PTPRT: variants seen among roughly 807,000 people sequenced by gnomAD.
PTPRT encodes protein tyrosine phosphatase receptor type T, also known as receptor-type tyrosine-protein phosphatase T.
In PTPRT, 56 loss-of-function variants were observed where a neutral mutation model predicts 176.8. The observed-to-expected ratio is 0.32, with a 90% CI of 0.26 to 0.40. The LOEUF is 0.40. Among genes scored for constraint, PTPRT ranks in the 10% least tolerant of loss-of-function variants. The pLI, the probability that PTPRT is intolerant of heterozygous loss-of-function variation, is 1.00. For missense variants in PTPRT, 1,540 were observed against 1,908.2 expected, an observed-to-expected ratio of 0.81 and a Z score of 3.60; for synonymous variants, 783 against 739.0, an observed-to-expected ratio of 1.06 and a Z score of -0.96.
At chr20:42,634,686 A>G (rs1035823772) in intron 7 of PTPRT, among the ~76,000 whole-genome samples, 7 of 152,086 alleles carry the variant, frequency 4.6e-5, no homozygotes, top group Non-Finnish European at 8.8e-5. Flanking sequence ...TTTCTTCCCC[A>G]ACCCCTGCTT....
At chr20:42,280,133 G>T (rs997273860) in intron 13 of PTPRT, among the ~76,000 whole-genome samples, 1 of 152,154 alleles carries the variant, frequency 6.6e-6, no homozygotes, top group Non-Finnish European at 1.5e-5. Context: ...AGGAAGGGAT[G>T]GGATAAACAG....
chr20:42,407,212 C>A (rs187709794), intron 9 of PTPRT, among the ~76,000 whole-genome samples: 1 of 152,172 alleles, frequency 6.6e-6, no homozygotes, highest in Non-Finnish European at 1.5e-5. Context: ...TAAATGCTTA[C>A]GAGTTTTACA....
At chr20:43,033,198 G>A (rs1986219599) in intron 1 of PTPRT, among the ~76,000 whole-genome samples, 1 of 152,184 alleles carries the variant, frequency 6.6e-6, no homozygotes, top group Non-Finnish European at 1.5e-5. Context: ...TAAAGAACAA[G>A]TCCAGGGCCA....
intron 7 of PTPRT, among the ~76,000 whole-genome samples, chr20:42,499,905 T>C (rs775872240): frequency 6.6e-5 from 10 of 152,214 alleles, no homozygotes; most frequent in Non-Finnish European, 8.8e-5. Flanking sequence ...TTCATTATGA[T>C]ACATGGAGCT....
intron 15 of PTPRT, among the ~76,000 whole-genome samples, chr20:42,212,023 C>CAAATTTCAAATTGGAA (rs772083353): frequency 6.9e-6 from 1 of 144,410 alleles, no homozygotes; most frequent in Non-Finnish European, 1.5e-5. Flanking sequence ...TGGAAAACAT[C>CAAATTTCAAATTGGAA]ATTCTCAGTA....
At chr20:42,809,134 G>T (rs1438439514) in intron 2 of PTPRT, among the ~76,000 whole-genome samples, 1 of 152,156 alleles carries the variant, frequency 6.6e-6, no homozygotes, top group Non-Finnish European at 1.5e-5. Context: ...ATTAGTTAGG[G>T]GGTTGAATCA....
chr20:42,926,095 C>T (rs1979466596), intron 1 of PTPRT, among the ~76,000 whole-genome samples: 3 of 152,220 alleles, frequency 2.0e-5, no homozygotes, highest in Non-Finnish European at 4.4e-5. Context: ...GGGGCTGCCT[C>T]AACAGACCAG....
chr20:42,167,076 T>C (rs1477304933), intron 16 of PTPRT, among the ~76,000 whole-genome samples: 2 of 152,188 alleles, frequency 1.3e-5, no homozygotes, highest in African/African-American at 2.4e-5. Context: ...AGTTTCTTTA[T>C]CTATAATACA....
chr20:43,106,013 G>GGGCA (rs2012590349), intron 1 of PTPRT, among the ~76,000 whole-genome samples: 1 of 152,060 alleles, frequency 6.6e-6, no homozygotes, highest in Non-Finnish European at 1.5e-5. Context: ...AGGGGGTGAG[G>GGGCA]GGCAGGTGCC....
intron 6 of PTPRT, among the ~76,000 whole-genome samples, chr20:42,720,585 T>A (rs979587977): frequency 6.6e-6 from 1 of 152,218 alleles, no homozygotes; most frequent in Non-Finnish European, 1.5e-5. Context: ...AGCTCACTCC[T>A]TGTATAGAGA....
At chr20:42,297,593 C>T (rs2057406060) in intron 12 of PTPRT, among the ~76,000 whole-genome samples, 2 of 152,086 alleles carry the variant, frequency 1.3e-5, no homozygotes, top group South Asian at 2.1e-4. Context: ...AAGGAAATCT[C>T]GATGGGGAAC....
At position 42,554,351 on chromosome 20, in the gene PTPRT, G is replaced by C. The variant is rs568807918; in HGVS notation, c.1154-81789C>G. ...GTGCATTAATGGATTTTTTAAAATA[G>C]AGCTATCACAGGATAACAAATTTTG... On this transcript the variant is annotated intron_variant, in intron 7 of 30. Coordinates refer to ENST00000373187, the MANE Select transcript of PTPRT (RefSeq NM_007050.6). 2.1e-4 allele frequency among the ~76,000 whole-genome samples: 32 copies of C among 152,146 alleles called. 1 individual carries two copies. The highest frequency in any genetic ancestry group is 7.7e-4 in the African/African-American group (32 of 41,516).
chr20:42,931,058 G>A (rs1979817263), intron 1 of PTPRT, among the ~76,000 whole-genome samples: 1 of 152,158 alleles, frequency 6.6e-6, no homozygotes, highest in Non-Finnish European at 1.5e-5. Context: ...ATCCCTGGCA[G>A]TGCATTAACT....
chr20:42,835,758 T>G (rs1416576940), intron 2 of PTPRT, among the ~76,000 whole-genome samples: 1 of 152,160 alleles, frequency 6.6e-6, no homozygotes, highest in Admixed American at 6.5e-5. Context: ...TTTCCTATAT[T>G]TCCTCAATTT....
chr20:43,123,767 C>A (rs2013350008), intron 1 of PTPRT, among the ~76,000 whole-genome samples: 1 of 152,226 alleles, frequency 6.6e-6, no homozygotes, highest in Non-Finnish European at 1.5e-5. Context: ...CCTACAGGCA[C>A]TATGACCCAG....
At chr20:42,071,600 C>T (rs188846359), downstream of PTPRT, among the ~76,000 whole-genome samples, 68 of 152,232 alleles carry the variant, frequency 4.5e-4, no homozygotes, top group East Asian at 4.6e-3. Context: ...AGAGAGTTAA[C>T]GGGTGCATCA....
At chr20:42,692,510 A>G (rs1381029942) in intron 6 of PTPRT, among the ~76,000 whole-genome samples, 1 of 152,186 alleles carries the variant, frequency 6.6e-6, no homozygotes, top group African/African-American at 2.4e-5. Flanking sequence ...TCATGATAAA[A>G]CTTTTAGAAA....
chr20:42,919,194 C>T (rs551124185), intron 1 of PTPRT, among the ~76,000 whole-genome samples: 5 of 152,280 alleles, frequency 3.3e-5, no homozygotes, highest in Admixed American at 1.3e-4. Context: ...TAAAGGGACA[C>T]CCATTTATTT....
intron 1 of PTPRT, among the ~76,000 whole-genome samples, chr20:42,957,143 C>T (rs549554831): frequency 2.0e-5 from 3 of 152,164 alleles, no homozygotes; most frequent in South Asian, 2.1e-4. Context: ...CTGAGCATGC[C>T]GGAACTCCCC....
Sources: gnomAD v4.1 joint callset for allele counts (sites outside exome capture counted in the v4.1 genomes callset) on GRCh38, gnomAD v4.1.1 for gene constraint, MANE v1.5 for transcripts, NCBI Gene and HGNC (gene_info 2026-07-23, HGNC 2026-07-21) for gene names.